CYTH4: variants seen among roughly 807,000 people sequenced by gnomAD.
CYTH4 encodes the protein cytohesin 4.
Under a neutral mutation model 57.5 loss-of-function variants are expected in CYTH4, and 22 were observed. That is an observed-to-expected ratio of 0.38 (90% CI 0.27 to 0.55). The LOEUF is 0.55. Among genes scored for constraint, CYTH4 ranks in the 20% least tolerant of loss-of-function variants. The pLI is 0.74. For synonymous variants in CYTH4, 186 were observed against 206.5 expected (o/e 0.90, Z 0.85); for missense variants, 420 against 535.6 (o/e 0.78, Z 2.13).
rs191761560 is a variant in CYTH4 at position 37,295,867 on chromosome 22, T to A, written c.168-132T>A. ...CTCTCTCCCGCCCAGGTGGTTCCCATGCAGGACCCGGAGGCCACACTTGGA... is the reference window on the plus strand; with the variant it reads ...CTCTCTCCCGCCCAGGTGGTTCCCAAGCAGGACCCGGAGGCCACACTTGGA... On this transcript the variant is annotated intron_variant, in intron 3 of 12. Transcript: ENST00000248901. This position sits in a 1 kb window ranked among gnomAD's most constrained non-coding sequence, Gnocchi z 4.1. 8.5e-5 allele frequency: 77 copies of A among 906,604 alleles called. No individual in the cohort carries two copies. In the African/African-American group the frequency reaches 1.2e-3, roughly 14 times the overall value. 56.2% of individuals were successfully genotyped at this position (906,604 alleles called of 1,614,324 possible).
At chr22:37,290,562 GTGGCA>G (rs1175466497) in intron 1 of CYTH4, among the ~76,000 whole-genome samples, 1 of 152,140 alleles carries the variant, frequency 6.6e-6, no homozygotes, top group Non-Finnish European at 1.5e-5. Context: ...CTGGAGTGCA[GTGGCA>G]TGATCTGGGC....
chr22:37,298,757 A>G lies in CYTH4; in HGVS notation c.354-469A>G, dbSNP rs987589965. 3.3e-5 allele frequency among the ~76,000 whole-genome samples: 5 copies of G among 151,394 alleles called. No individual in the cohort carries two copies. The highest frequency in any genetic ancestry group is 7.4e-5 in the Non-Finnish European group (5 of 67,874). ...AGCCCTCTCCCCAGCTCCCAAGGAC[A>G]CCCCTCCCTCCCGCGGTGAGCAGGG... is the stretch of plus-strand genomic sequence containing the variant. On this transcript the variant is annotated intron_variant, in intron 5 of 12. Transcript: ENST00000248901. The surrounding 1 kb of genome is among the most constrained non-coding windows in gnomAD (Gnocchi z 4.1).
chr22:37,312,068 G>A lies in CYTH4; in HGVS notation c.1006G>A (p.Ala336Thr). 2 of 1,614,192 alleles carry A rather than the reference G, an allele frequency of 1.2e-6. No homozygotes were observed. The highest frequency in any genetic ancestry group is 1.7e-6 in the Non-Finnish European group (2 of 1,180,032). Reference protein sequence around the residue: ...NPSCRGQKIKACKTDGDGRVV... With the variant: ...NPSCRGQKIKTCKTDGDGRVV... ...TAGCTGCCGAGGCCAGAAAATCAAG[G>A]CCTGCAAGACCGATGGCGACGGCAG... The change falls in exon 12 of 13, where the codon GCC (alanine) becomes ACC (threonine). Residue 336 changes from alanine (A) to threonine (T), a missense_variant. By Grantham distance (58) the Ala-to-Thr change is moderately conservative (BLOSUM62 0). Coordinates refer to ENST00000248901, the MANE Select transcript of CYTH4 (RefSeq NM_013385.5).
chr22:37,284,604 C>G (rs1211146736), intron 1 of CYTH4, among the ~76,000 whole-genome samples: 3 of 152,206 alleles, frequency 2.0e-5, no homozygotes, highest in Non-Finnish European at 1.5e-5. Flanking sequence ...TGCCATCATC[C>G]TGGCCTGGCC....
chr22:37,298,400 A>G lies in CYTH4; in HGVS notation c.353+718A>G. 1 of 163,226 alleles carries G rather than the reference A, an allele frequency of 6.1e-6. No individual in the cohort carries two copies. The highest frequency in any genetic ancestry group is 1.3e-5 in the Non-Finnish European group (1 of 75,216). The allele number at this position is 163,226 out of a possible 1,614,324, so 10.1% of individuals were successfully genotyped here. ...AAAAAAAAAGAAAAGAAAAGAAAAC[A>G]AAGAAAGAAAGACATGCTGGGGACC... is the stretch of plus-strand genomic sequence containing the variant. On this transcript the variant is annotated intron_variant, in intron 5 of 12. Transcript: ENST00000248901. The surrounding 1 kb of genome is among the most constrained non-coding windows in gnomAD (Gnocchi z 4.1).
chr22:37,290,533 T>G (rs894714163), intron 1 of CYTH4, among the ~76,000 whole-genome samples: 1 of 152,066 alleles, frequency 6.6e-6, no homozygotes, highest in Admixed American at 6.6e-5. Flanking sequence ...GGAGACAGAG[T>G]CTCACTCTGT....
At chr22:37,308,129 C>G (rs1211865189) in intron 8 of CYTH4, among the ~76,000 whole-genome samples, 2 of 152,218 alleles carry the variant, frequency 1.3e-5, no homozygotes, top group East Asian at 1.9e-4. Context: ...ACCCTGGGCT[C>G]TCCCTCAGCT....
intron 2 of CYTH4, 114 bp from the exon 3 acceptor site, chr22:37,294,546 G>A: frequency 8.7e-7 from 1 of 1,154,644 alleles, no homozygotes; most frequent in South Asian, 1.4e-5. Context: ...GTCAGGGAGA[G>A]GGGCCAGGTT....
chr22:37,299,330 C>T, intron 6 of CYTH4, 24 bp downstream of exon 6: 1 of 1,610,388 alleles, frequency 6.2e-7, no homozygotes, highest in South Asian at 1.1e-5. Context: ...GGGCAGGGTC[C>T]CGGCCCTCAA....
Position 37,297,698 on chromosome 22 carries a change from G to A in CYTH4, c.353+16G>A. ...TGGGGGAGAGGTAAGAACGAGTGGA[G>A]CCTTAGCGAGGCAGGAAATGAAGGT... On this transcript the variant is annotated intron_variant, in intron 5 of 12. Transcript: ENST00000248901. 1 of 1,602,980 alleles carries A rather than the reference G, an allele frequency of 6.2e-7. No homozygotes were observed. The highest frequency in any genetic ancestry group is 8.5e-7 in the Non-Finnish European group (1 of 1,170,174).
chr22:37,301,050 C>T (rs751762567), intron 7 of CYTH4, 31 bp downstream of exon 7: 38 of 1,581,546 alleles, frequency 2.4e-5, no homozygotes, highest in African/African-American at 1.5e-4. Context: ...CCCAGGGCTC[C>T]GGGACCCCTT....
At position 37,311,859 on chromosome 22, in the gene CYTH4, CAG is replaced by C. The variant is rs3842718; in HGVS notation, c.958-154_958-153del. ...GGATGGTGGATTCAGGAGCCTGCCA[CAG>C]AGAGAGTGCTCAGTGTGGGAGCAGC... On this transcript the variant is annotated intron_variant, in intron 11 of 12. Transcript: ENST00000248901. The surrounding 1 kb of genome is among the most constrained non-coding windows in gnomAD (Gnocchi z 4.4). The C allele has an allele frequency of 0.39, 356,102 of 905,746 alleles. 74,033 individuals are homozygous for C. Among genetic ancestry groups the C allele is most frequent in the South Asian group, 0.65 (36,743 of 56,286 alleles). 56.1% of individuals were successfully genotyped at this position (905,746 alleles called of 1,614,324 possible).
chr22:37,283,319 C>T (rs1212004499), intron 1 of CYTH4, among the ~76,000 whole-genome samples: 3 of 152,122 alleles, frequency 2.0e-5, no homozygotes, highest in South Asian at 2.1e-4. Flanking sequence ...ACATCAGGGT[C>T]GTGTTTTGGG....
At chr22:37,297,884 A>C in intron 5 of CYTH4, 2 of 475,096 alleles carry the variant, frequency 4.2e-6, no homozygotes, top group East Asian at 3.9e-5. Flanking sequence ...CAACAAATAA[A>C]TGTTGCTCAG....
intron 4 of CYTH4, 74 bp from the exon 5 acceptor site, chr22:37,297,490 C>A: frequency 7.4e-7 from 1 of 1,342,648 alleles, no homozygotes; most frequent in Non-Finnish European, 1.1e-6. Context: ...GCCATGGAAG[C>A]TCCTTCCTCC....
chr22:37,290,894 G>C (rs1159113559), intron 1 of CYTH4, among the ~76,000 whole-genome samples: 1 of 152,220 alleles, frequency 6.6e-6, no homozygotes, highest in Non-Finnish European at 1.5e-5. Flanking sequence ...CTAGTGTCTG[G>C]GGAGGGATTC....
At chr22:37,304,202 C>T (rs1206223556) in intron 8 of CYTH4, 7 of 456,410 alleles carry the variant, frequency 1.5e-5, no homozygotes, top group Admixed American at 2.4e-5. Context: ...GAGGAGAAGC[C>T]GGGAAAGGAC....
intron 8 of CYTH4, among the ~76,000 whole-genome samples, chr22:37,305,591 AAC>A (rs1445618854): frequency 6.6e-6 from 1 of 152,128 alleles, no homozygotes; most frequent in Non-Finnish European, 1.5e-5. Context: ...GTCAAAAAGA[AAC>A]ACACAGGCAG....
At chr22:37,291,037 G>A (rs1034219325) in intron 1 of CYTH4, among the ~76,000 whole-genome samples, 16 of 152,180 alleles carry the variant, frequency 1.1e-4, no homozygotes, top group Admixed American at 1.0e-3. Context: ...TTCTTGCTGG[G>A]TGTTTGACAA....
Sources: allele counts gnomAD v4.1 joint callset (sites outside exome capture counted in the v4.1 genomes callset), GRCh38; gene constraint gnomAD v4.1.1; non-coding constraint Gnocchi (gnomAD v3.1); transcripts MANE v1.5; gene names NCBI Gene and HGNC (gene_info 2026-07-23, HGNC 2026-07-21).